Variants in COL26A1 observed in about 807,000 individuals in gnomAD.
COL26A1 encodes the protein collagen alpha-1(XXVI) chain.
COL26A1 carries 41 observed loss-of-function variants against 59.3 expected under a neutral mutation model. The ratio of observed to expected loss-of-function variants is 0.69; its 90% CI spans 0.54 to 0.90. The LOEUF (loss-of-function observed/expected upper bound fraction) is 0.90, where lower values mean the gene tolerates loss of function less well. COL26A1 is among the 40% of genes least tolerant of loss of function. The pLI is 0.00. For missense variants in COL26A1, 612 were observed against 602.3 expected (o/e 1.02, Z -0.17); for synonymous variants, 266 against 256.0 (o/e 1.04, Z -0.37).
chr7:101,403,369 A>G (rs976020495), intron 1 of COL26A1, among the ~76,000 whole-genome samples: 2 of 152,006 alleles, frequency 1.3e-5, no homozygotes, highest in East Asian at 1.9e-4. Flanking sequence ...AAATACAAAA[A>G]TTAGTGGGGT....
At chr7:101,489,591 T>TTTTC (rs1160106920) in intron 3 of COL26A1, among the ~76,000 whole-genome samples, 1 of 151,144 alleles carries the variant, frequency 6.6e-6, no homozygotes. Flanking sequence ...CACTCGGCTA[T>TTTTC]TTTCTTTCTT....
chr7:101,369,542 G>C (rs1473359580), intron 1 of COL26A1, among the ~76,000 whole-genome samples: 1 of 141,060 alleles, frequency 7.1e-6, no homozygotes, highest in African/African-American at 2.6e-5. Flanking sequence ...TCTGCCTCCC[G>C]GGTTCAGGCC....
intron 3 of COL26A1, among the ~76,000 whole-genome samples, chr7:101,498,655 A>G (rs551349832): frequency 2.8e-4 from 43 of 152,208 alleles, no homozygotes; most frequent in Non-Finnish European, 5.1e-4. Context: ...CACTCTGCAC[A>G]CTCTGGATTT....
chr7:101,554,567 T>TAAAA (rs57638079), intron 11 of COL26A1, among the ~76,000 whole-genome samples: 3,090 of 120,196 alleles, frequency 0.026, 74 homozygotes, highest in East Asian at 0.063. Context: ...CCCCATTTCT[T>TAAAA]AAAAAAAAAA....
At chr7:101,438,253 C>T (rs1212601579) in intron 2 of COL26A1, among the ~76,000 whole-genome samples, 2 of 151,272 alleles carry the variant, frequency 1.3e-5, no homozygotes, top group Admixed American at 6.6e-5. Context: ...CCTAGCTACT[C>T]GGGAGACTGA....
chr7:101,479,062 A>G (rs1046355666), intron 3 of COL26A1, among the ~76,000 whole-genome samples: 1 of 152,230 alleles, frequency 6.6e-6, no homozygotes, highest in Admixed American at 6.5e-5. Context: ...ACAGTGCTGC[A>G]GGGACTACCT....
At chr7:101,387,770 A>ATTTTTTTTTTTTT (rs1304839639) in intron 1 of COL26A1, among the ~76,000 whole-genome samples, 521 of 36,298 alleles carry the variant, frequency 0.014, 9 homozygotes, top group Non-Finnish European at 0.026. Context: ...ATATATATAT[A>ATTTTTTTTTTTTT]TATATATATT....
At chr7:101,515,220 G>A (rs984791116) in intron 3 of COL26A1, among the ~76,000 whole-genome samples, 1 of 152,126 alleles carries the variant, frequency 6.6e-6, no homozygotes, top group Non-Finnish European at 1.5e-5. Flanking sequence ...GCACACAAAC[G>A]GTGCCTCTCT....
In COL26A1 at chr7:101,528,908, G is replaced by A. The variant is rs567562208; in HGVS notation, c.386-4174G>A. Among the ~76,000 whole-genome samples the A allele has an allele frequency of 3.3e-5, 5 of 152,178 alleles. No homozygotes were observed. In the South Asian group the frequency reaches 1.0e-3, roughly 32 times the overall value. On this transcript the variant is annotated intron_variant, in intron 3 of 12. Transcript: ENST00000313669. ...AGGCTAGGTGCTGTGGCTCACGCCT[G>A]TCATCTCAGCTCTTTGGGAGGCCAA...
At chr7:101,463,626 TCTTC>T (rs1310357604) in intron 3 of COL26A1, among the ~76,000 whole-genome samples, 23 of 57,064 alleles carry the variant, frequency 4.0e-4, no homozygotes, top group East Asian at 1.3e-3. Flanking sequence ...TCCCTCCCCC[TCTTC>T]CTTCCTTCCT....
At chr7:101,474,066 G>T (rs1379802630) in intron 3 of COL26A1, among the ~76,000 whole-genome samples, 1 of 152,124 alleles carries the variant, frequency 6.6e-6, no homozygotes, top group Non-Finnish European at 1.5e-5. Flanking sequence ...AGCATGTACG[G>T]CTGGCAAAGC....
At chr7:101,398,116 T>C (rs1057133237) in intron 1 of COL26A1, among the ~76,000 whole-genome samples, 1 of 152,270 alleles carries the variant, frequency 6.6e-6, no homozygotes, top group Non-Finnish European at 1.5e-5. Flanking sequence ...ATTTAGATTG[T>C]TGAAGTGGCT....
At chr7:101,399,836 TA>T (rs779022041) in intron 1 of COL26A1, among the ~76,000 whole-genome samples, 3 of 152,216 alleles carry the variant, frequency 2.0e-5, no homozygotes, top group Admixed American at 6.5e-5. Context: ...ATAAGAATCA[TA>T]AAGTTGTTTC....
chr7:101,519,620 G>A (rs373682098), intron 3 of COL26A1, among the ~76,000 whole-genome samples: 14 of 152,290 alleles, frequency 9.2e-5, no homozygotes, highest in African/African-American at 3.4e-4. Flanking sequence ...AACAGGGAGC[G>A]GGGTCAGGCA....
chr7:101,464,993 T>C (rs1002552981), intron 3 of COL26A1, among the ~76,000 whole-genome samples: 2 of 151,554 alleles, frequency 1.3e-5, no homozygotes. Flanking sequence ...ATTATAGGTG[T>C]AAGTCACCAC....
chr7:101,414,103 T>G (rs571316814), intron 1 of COL26A1, among the ~76,000 whole-genome samples: 19 of 152,292 alleles, frequency 1.2e-4, no homozygotes, highest in African/African-American at 4.6e-4. Context: ...TAGAGCTCCA[T>G]CTGGAAAGGC....
rs543462575 is a variant in COL26A1, at chr7:101,448,704, G to T, written c.385+917G>T. 2.6e-5 allele frequency among the ~76,000 whole-genome samples: 4 copies of T among 152,164 alleles called. No homozygotes were observed. In the South Asian group the frequency reaches 8.3e-4, roughly 32 times the overall value. On this transcript the variant is annotated intron_variant, in intron 3 of 12. Transcript: ENST00000313669. ...AGACGGGTCTTGCATTGTTGCTCAGGCTGTCTCGAACTCCTTGGATCAAGC... is the reference window on the plus strand; with the variant it reads ...AGACGGGTCTTGCATTGTTGCTCAGTCTGTCTCGAACTCCTTGGATCAAGC...
At chr7:101,491,281 G>T (rs1376200118) in intron 3 of COL26A1, among the ~76,000 whole-genome samples, 7 of 152,016 alleles carry the variant, frequency 4.6e-5, no homozygotes, top group Non-Finnish European at 1.0e-4. Flanking sequence ...CTTGAAATTG[G>T]CCATGCTGGG....
chr7:101,417,343 A>C lies in COL26A1; in HGVS notation c.159-2634A>C, dbSNP rs183695801. Among the ~76,000 whole-genome samples the C allele has an allele frequency of 9.6e-4, 144 of 149,536 alleles. 2 individuals carry two copies. The highest frequency in any genetic ancestry group is 3.5e-3 in the Middle Eastern group (1 of 282). Reference sequence around the variant, plus strand: ...GAATTCATTTATCTGTCTGACTTTGAGAGTGACCCTGTTTCTCCTGGAGGT... The same window carrying C: ...GAATTCATTTATCTGTCTGACTTTGCGAGTGACCCTGTTTCTCCTGGAGGT... On this transcript the variant is annotated intron_variant, in intron 1 of 12. Coordinates refer to ENST00000313669, the MANE Select transcript of COL26A1 (RefSeq NM_001278563.3).
Sources: gnomAD v4.1 joint callset for allele counts (sites outside exome capture counted in the v4.1 genomes callset) on GRCh38, gnomAD v4.1.1 for gene constraint, MANE v1.5 for transcripts, NCBI Gene and HGNC (gene_info 2026-07-23, HGNC 2026-07-21) for gene names.